Variants in IMPA2 observed in about 807,000 individuals in gnomAD.
The protein encoded by IMPA2 is inositol monophosphatase 2.
In IMPA2, 32 loss-of-function variants were observed where a neutral mutation model predicts 35.1. That is an observed-to-expected ratio of 0.91 (90% confidence interval 0.69 to 1.23). The LOEUF (loss-of-function observed/expected upper bound fraction) is 1.23. Among genes scored for constraint, IMPA2 ranks in the 50% most tolerant of loss-of-function variants. The pLI, the probability that IMPA2 is intolerant of heterozygous loss-of-function variation, is 0.00. For missense variants in IMPA2, 334 were observed against 387.6 expected (o/e 0.86, Z 1.16); for synonymous variants, 135 against 160.6 (o/e 0.84, Z 1.20).
Position 11,981,677 on chromosome 18 carries a change from C to T in IMPA2, c.8C>T (p.Pro3Leu), listed in dbSNP as rs574228859. The T allele has an allele frequency of 4.9e-6, 6 of 1,230,206 alleles. No homozygotes were observed. Among genetic ancestry groups the T allele is most frequent in the African/African-American group, 4.7e-5 (3 of 64,302 alleles). 76.2% of individuals were successfully genotyped at this position (1,230,206 alleles called of 1,614,324 possible). The change falls in exon 1 of 8, where the codon CCG becomes CTG. Residue 3 changes from proline (P) to leucine (L), a missense_variant. Pro to Leu is a moderately conservative substitution (Grantham distance 98, BLOSUM62 -3). Coordinates refer to ENST00000269159, the MANE Select transcript of IMPA2 (RefSeq NM_014214.3). The part of the protein sequence containing the change: MK[P>L]SGEDQAALAA... The stretch of plus-strand genomic sequence containing the variant: ...GGGCCCGGCGAGGCCGCGATGAAGC[C>T]GAGCGGCGAGGACCAGGCGGCGCTG...
chr18:12,014,392 G>A lies in IMPA2; in HGVS notation c.490+19G>A, dbSNP rs377642553. On this transcript the variant is annotated intron_variant, in intron 5 of 7. Coordinates refer to ENST00000269159, the MANE Select transcript of IMPA2 (RefSeq NM_014214.3). ...GAGACAGGTGGGCTTCACAACGCTC[G>A]TCTCAGTTTACTTCTGAAATAAAAG... is the stretch of plus-strand genomic sequence containing the variant. The A allele has an allele frequency of 2.0e-5, 29 of 1,462,500 alleles. No individual in the cohort carries two copies. Among genetic ancestry groups the A allele is most frequent in the Middle Eastern group, 3.5e-4 (2 of 5,682 alleles). The allele number at this position is 1,462,500 out of a possible 1,614,324, so 90.6% of individuals were successfully genotyped here.
intron 1 of IMPA2, among the ~76,000 whole-genome samples, chr18:11,986,831 T>C (rs143364664): frequency 3.3e-5 from 5 of 152,358 alleles, no homozygotes; most frequent in Non-Finnish European, 7.3e-5. Flanking sequence ...TATTCTGTGT[T>C]ACGCCGTGTA....
chr18:11,989,327 G>T (rs1411605383), intron 1 of IMPA2, among the ~76,000 whole-genome samples: 1 of 152,226 alleles, frequency 6.6e-6, no homozygotes, highest in Non-Finnish European at 1.5e-5. Context: ...AGGAGGGGGA[G>T]AGGAGGCGGT....
In IMPA2 at chr18:12,007,658, TC is replaced by T. The variant is rs1568032935; in HGVS notation, c.231-2224del. Among the ~76,000 whole-genome samples the T allele has an allele frequency of 2.1e-4, 29 of 135,436 alleles. 1 individual carries two copies. The highest frequency in any genetic ancestry group is 1.3e-3 in the Admixed American group (17 of 13,064). The allele number at this position is 135,436 out of a possible 152,430, so 88.9% of individuals were successfully genotyped here. A position where few individuals can be genotyped will look rare whatever the true frequency, so the allele number is the denominator to read the frequency against. ...TTCTTTCTTTCTTTCTTTCTTTCTT[TC>T]TTTCTTTCTTTCTTTCTTTCCTTTC... On this transcript the variant is annotated intron_variant, in intron 2 of 7. Transcript: ENST00000269159.
Position 12,014,364 on chromosome 18 carries a change from G to A in IMPA2, c.481G>A (p.Gly161Arg), listed in dbSNP as rs755715940. ...FCNGQRLRVS[G>R]ETDLSKALVL... is the part of the protein sequence containing the mutation. ...CAATGGCCAGCGGCTCCGGGTCTCC[G>A]GGGAGACAGGTGGGCTTCACAACGC... The change falls in exon 5 of 8, where the codon GGG becomes AGG. Residue 161 changes from glycine to arginine, a missense_variant. Coordinates refer to ENST00000269159, the MANE Select transcript of IMPA2 (RefSeq NM_014214.3). 2.2e-5 allele frequency: 35 copies of A among 1,583,432 alleles called. No homozygotes were observed. The highest frequency in any genetic ancestry group is 6.8e-5 in the African/African-American group (5 of 73,478).
intron 4 of IMPA2, chr18:12,012,498 T>C: frequency 2.0e-6 from 1 of 489,084 alleles, no homozygotes; most frequent in Non-Finnish European, 3.6e-6. Context: ...AGCGGAAGTC[T>C]TAAGTGAACG....
chr18:12,003,154 C>T (rs937845224), intron 2 of IMPA2, among the ~76,000 whole-genome samples: 1 of 151,962 alleles, frequency 6.6e-6, no homozygotes, highest in African/African-American at 2.4e-5. Context: ...GAGATCACGC[C>T]ACTGCACTCC....
At chr18:12,007,637 T>TTCTTTCTTTC (rs1907300421) in intron 2 of IMPA2, among the ~76,000 whole-genome samples, 5 of 52,532 alleles carry the variant, frequency 9.5e-5, no homozygotes, top group Admixed American at 7.4e-4. Flanking sequence ...TCTTCTTTCT[T>TTCTTTCTTTC]TCTTTCTTTC....
chr18:11,995,582 G>A (rs1906937903), intron 1 of IMPA2, among the ~76,000 whole-genome samples: 1 of 152,190 alleles, frequency 6.6e-6, no homozygotes, highest in African/African-American at 2.4e-5. Flanking sequence ...TCCACATAGT[G>A]ACAGGGCGCC....
chr18:11,983,392 T>C (rs1906562194), intron 1 of IMPA2, among the ~76,000 whole-genome samples: 1 of 152,178 alleles, frequency 6.6e-6, no homozygotes, highest in Non-Finnish European at 1.5e-5. Context: ...CTTGAGGCAG[T>C]GAAAAGCCAG....
Position 11,981,527 on chromosome 18 carries a change from G to C in IMPA2, c.-143G>C, listed in dbSNP as rs1172334474. 1 of 482,590 alleles carries C rather than the reference G, an allele frequency of 2.1e-6. No individual in the cohort carries two copies. Among genetic ancestry groups the C allele is most frequent in the Non-Finnish European group, 3.3e-6 (1 of 305,942 alleles). 29.9% of individuals were successfully genotyped at this position (482,590 alleles called of 1,614,324 possible). Reference sequence around the variant, plus strand: ...CTGGCTGCCCTTCCCGCCAGCGCAGGTGTGGGACGGGCGGCGGACTAGGCA... The same window carrying C: ...CTGGCTGCCCTTCCCGCCAGCGCAGCTGTGGGACGGGCGGCGGACTAGGCA... On this transcript the variant is annotated 5_prime_UTR_variant, in exon 1 of 8. Coordinates refer to ENST00000269159, the MANE Select transcript of IMPA2 (RefSeq NM_014214.3).
intron 4 of IMPA2, chr18:12,012,461 G>A (rs1253510870): frequency 5.5e-6 from 3 of 541,126 alleles, no homozygotes; most frequent in East Asian, 5.7e-5. Flanking sequence ...CGTGTCAACC[G>A]TGGTCTATTT....
intron 7 of IMPA2, 115 bp downstream of exon 7, chr18:12,029,108 GTTTTTTTTTTT>G (rs1158665365): frequency 1.6e-4 from 42 of 267,312 alleles, no homozygotes; most frequent in Admixed American, 4.2e-4. Context: ...CAGAGTTTCT[GTTTTTTTTTTT>G]TTTTTTTTTT....
intron 1 of IMPA2, among the ~76,000 whole-genome samples, chr18:11,998,061 G>A (rs931378553): frequency 2.0e-5 from 3 of 152,210 alleles, no homozygotes; most frequent in Admixed American, 6.5e-5. Flanking sequence ...TAGCTATTGG[G>A]GAGGCTGAGG....
intron 1 of IMPA2, among the ~76,000 whole-genome samples, chr18:11,987,279 A>G (rs1338885471): frequency 2.0e-5 from 3 of 152,318 alleles, no homozygotes; most frequent in South Asian, 2.1e-4. Flanking sequence ...CTTCCGCTGC[A>G]TGGTATTTTA....
intron 1 of IMPA2, among the ~76,000 whole-genome samples, chr18:11,982,354 CTCTCT>C (rs1299014236): frequency 6.6e-6 from 1 of 152,242 alleles, no homozygotes. Context: ...AGTGCAGTTC[CTCTCT>C]TCTCTTTTTC....
At chr18:11,984,278 C>T (rs60140380) in intron 1 of IMPA2, among the ~76,000 whole-genome samples, 3,027 of 152,332 alleles carry the variant, frequency 0.02, 111 homozygotes, top group African/African-American at 0.069. Flanking sequence ...CTTCCGTGAC[C>T]GTGGGGATCA....
chr18:12,006,912 A>G (rs1019721486), intron 2 of IMPA2, among the ~76,000 whole-genome samples: 1 of 152,072 alleles, frequency 6.6e-6, no homozygotes, highest in African/African-American at 2.4e-5. Context: ...TGGGCGTATC[A>G]CGAGATCAGG....
chr18:12,020,552 T>C lies in IMPA2; in HGVS notation c.490+6179T>C, dbSNP rs1272653329. Among the ~76,000 whole-genome samples the C allele has an allele frequency of 2.0e-5, 3 of 152,192 alleles. No individual in the cohort carries two copies. The East Asian group carries it at 5.8e-4, about 29-fold the overall frequency. On this transcript the variant is annotated intron_variant, in intron 5 of 7. Coordinates refer to ENST00000269159, the MANE Select transcript of IMPA2 (RefSeq NM_014214.3). Reference sequence around the variant, plus strand: ...TACAGTTTTTAATATTTTTTTTATTTCCCAATTGTGTTGCTTTGTTTTTTG... The same window carrying C: ...TACAGTTTTTAATATTTTTTTTATTCCCCAATTGTGTTGCTTTGTTTTTTG...
Sources: gnomAD v4.1 joint callset for allele counts (sites outside exome capture counted in the v4.1 genomes callset) on GRCh38, gnomAD v4.1.1 for gene constraint, MANE v1.5 for transcripts, NCBI Gene and HGNC (gene_info 2026-07-23, HGNC 2026-07-21) for gene names.